TBC1D28: variants seen among roughly 807,000 people sequenced by gnomAD.
TBC1D28 encodes the protein TBC1 domain family member 28.
A neutral mutation model predicts 29.2 loss-of-function variants in TBC1D28; 20 were observed. The ratio of observed to expected loss-of-function variants is 0.68; its 90% confidence interval spans 0.48 to 0.99. The LOEUF (loss-of-function observed/expected upper bound fraction) is 0.99, where lower values mean the gene tolerates loss of function less well. Ranked by LOEUF, TBC1D28 falls within the 50% of genes least tolerant of loss-of-function variation. The pLI, the probability that TBC1D28 is intolerant of heterozygous loss-of-function variation, is 0.00. For missense variants in TBC1D28, 205 were observed against 243.7 expected, an observed-to-expected ratio of 0.84 and a Z score of 1.06; for synonymous variants, 65 against 90.9, an observed-to-expected ratio of 0.71 and a Z score of 1.62.
intron 5 of TBC1D28, 181 bp from the exon 7 acceptor site, chr17:18,638,882 C>G: frequency 1.2e-6 from 1 of 843,408 alleles, no homozygotes; most frequent in South Asian, 1.8e-5. Flanking sequence ...ACTGGTGATG[C>G]CAGGACATGC....
At chr17:18,639,918 T>A (rs2031687599) in intron 4 of TBC1D28, among the ~76,000 whole-genome samples, 1 of 104,702 alleles carries the variant, frequency 9.6e-6, no homozygotes, top group Non-Finnish European at 1.9e-5. Flanking sequence ...CTGACTGGGC[T>A]GCCCAGCACT....
intron 8 of TBC1D28, among the ~76,000 whole-genome samples, chr17:18,637,295 C>T (rs1359895369): frequency 1.1e-5 from 1 of 87,332 alleles, no homozygotes; most frequent in African/African-American, 6.3e-5. Flanking sequence ...ACCAATCAAG[C>T]GGTGAACGTC....
chr17:18,637,727 C>G (rs1039127941), intron 8 of TBC1D28, 137 bp downstream of exon 9: 7 of 1,353,136 alleles, frequency 5.2e-6, no homozygotes, highest in Non-Finnish European at 5.1e-6. Context: ...ATGGTGCCGG[C>G]TGCTCCCTGG....
exon 9 of TBC1D28, chr17:18,636,163 C>A: frequency 2.5e-6 from 3 of 1,187,836 alleles, no homozygotes; most frequent in South Asian, 3.1e-5. Flanking sequence ...AAATTGGATC[C>A]TTGCCAGGTT....
At chr17:18,640,009 C>T (rs898394003) in intron 4 of TBC1D28, among the ~76,000 whole-genome samples, 11 of 120,080 alleles carry the variant, frequency 9.2e-5, no homozygotes, top group Non-Finnish European at 1.5e-4. Flanking sequence ...CTGCTCCAGC[C>T]TCAGCTGGCT....
chr17:18,636,725 T>C, intron 8 of TBC1D28, 128 bp from the exon 10 acceptor site: 1 of 1,142,428 alleles, frequency 8.8e-7, no homozygotes. Flanking sequence ...CAGTGAGCTC[T>C]TTAGGACACC....
At chr17:18,637,394 G>T (rs62072827) in intron 8 of TBC1D28, among the ~76,000 whole-genome samples, 10,254 of 129,418 alleles carry the variant, frequency 0.079, 506 homozygotes, top group South Asian at 0.15. Flanking sequence ...AGGCCACTGA[G>T]CTTTGTGAGC....
upstream of TBC1D28, chr17:18,642,811 C>T (rs139613873): frequency 0.13 from 19,803 of 152,194 alleles, 1,343 homozygotes; most frequent in African/African-American, 0.16. Context: ...CACCTGTGTG[C>T]GTCTTATGTG....
downstream of TBC1D28, among the ~76,000 whole-genome samples, chr17:18,634,840 CTCCTCA>C (rs2031408808): frequency 7.5e-6 from 1 of 133,758 alleles, no homozygotes; most frequent in African/African-American, 2.7e-5. Flanking sequence ...GCCCCTCAGC[CTCCTCA>C]GCCCCTCAGC....
exon 9 of TBC1D28, chr17:18,635,468 C>G (rs2151711770): frequency 1.4e-6 from 1 of 690,712 alleles, no homozygotes; most frequent in Non-Finnish European, 1.8e-6. Flanking sequence ...CGTTTGGACT[C>G]CGGGGTGCGG....
Position 18,641,112 on chromosome 17 carries a change from C to T in TBC1D28, c.76-8G>A. 1.4e-6 allele frequency: 1 copy of T among 722,518 alleles called. No individual in the cohort carries two copies. The highest frequency in any genetic ancestry group is 2.2e-6 in the Non-Finnish European group (1 of 449,888). 44.8% of individuals were successfully genotyped at this position (722,518 alleles called of 1,614,324 possible). On this transcript the variant is annotated splice_polypyrimidine_tract_variant and splice_region_variant and intron_variant, in intron 3 of 8. Coordinates refer to ENST00000345096, the Ensembl canonical transcript of TBC1D28. Reference sequence around the variant, plus strand: ...TGCCCCAGCTCGGTGTCCCTGAAACCCAGAGGAGGCCAGGATAGTGGGGGT... The same window carrying T: ...TGCCCCAGCTCGGTGTCCCTGAAACTCAGAGGAGGCCAGGATAGTGGGGGT...
At chr17:18,636,177 A>G (rs2031487636) in exon 9 of TBC1D28, 1 of 1,207,636 alleles carries the variant, frequency 8.3e-7, no homozygotes, top group Non-Finnish European at 1.0e-6. Flanking sequence ...CCAGGTTTCC[A>G]GTGAAGAAGA....
intron 8 of TBC1D28, 61 bp from the exon 10 acceptor site, chr17:18,636,658 G>T (rs2031515639): frequency 2.5e-6 from 4 of 1,581,276 alleles, no homozygotes; most frequent in Non-Finnish European, 3.4e-6. Context: ...ATTTCATTTT[G>T]TCTACAAACC....
upstream of TBC1D28, among the ~76,000 whole-genome samples, chr17:18,643,736 C>T (rs1249294606): frequency 1.3e-5 from 2 of 152,290 alleles, no homozygotes; most frequent in Middle Eastern, 3.4e-3. Flanking sequence ...AGGTCCTCTA[C>T]CACAACTGCC....
At chr17:18,643,299 A>G (rs1385999306), upstream of TBC1D28, among the ~76,000 whole-genome samples, 3 of 151,344 alleles carry the variant, frequency 2.0e-5, no homozygotes, top group Non-Finnish European at 4.4e-5. Flanking sequence ...GATTCCACAC[A>G]TTTTTTCACC....
At chr17:18,641,395 G>A (rs1172345920) in intron 2 of TBC1D28, 42 bp from the exon 4 acceptor site, 1 of 1,543,488 alleles carries the variant, frequency 6.5e-7, no homozygotes, top group Non-Finnish European at 8.9e-7. Context: ...GCACCCAAGA[G>A]CTCCAGAGAA....
chr17:18,634,562 A>G (rs2031386042), downstream of TBC1D28, among the ~76,000 whole-genome samples: 1 of 152,172 alleles, frequency 6.6e-6, no homozygotes, highest in Non-Finnish European at 1.5e-5. Context: ...AAAACGCGTA[A>G]TAAAACAAAA....
exon 4 of TBC1D28, chr17:18,641,071 G>A (rs757805936): frequency 4.6e-6 from 3 of 652,350 alleles, no homozygotes; most frequent in Non-Finnish European, 7.6e-6. Context: ...ACCTGCTCAT[G>A]CCCCAAGTCC....
rs774855410 is a variant in TBC1D28 at position 18,637,835 on chromosome 17, G to C, written c.497+29C>G. ...TCCTCTGGATTGCCCCATCTTCTCT[G>C]GGACCCCTGCAAGCCCCATTGGCCT... On this transcript the variant is annotated intron_variant, in intron 8 of 8. Coordinates refer to ENST00000345096, the Ensembl canonical transcript of TBC1D28. 6.6e-4 allele frequency: 1,068 copies of C among 1,611,706 alleles called. 6 individuals are homozygous for C. The African/African-American group carries it at 0.013, about 19-fold the overall frequency.
Sources: gnomAD v4.1 joint callset for allele counts (sites outside exome capture counted in the v4.1 genomes callset) on GRCh38, gnomAD v4.1.1 for gene constraint, MANE v1.5 for transcripts, NCBI Gene and HGNC (gene_info 2026-07-23, HGNC 2026-07-21) for gene names.